AGBL4: variants seen among roughly 807,000 people sequenced by gnomAD.
AGBL4 encodes AGBL carboxypeptidase 4, also known as cytosolic carboxypeptidase 6.
Under a neutral mutation model 66.4 loss-of-function variants are expected in AGBL4, and 58 were observed. The ratio of observed to expected loss-of-function variants is 0.87; its 90% CI spans 0.71 to 1.09. The LOEUF (loss-of-function observed/expected upper bound fraction) is 1.09. Ranked by LOEUF, AGBL4 falls within the 50% of genes least tolerant of loss-of-function variation. AGBL4 has a pLI of 0.00. For missense variants in AGBL4, 579 were observed against 631.0 expected, an observed-to-expected ratio of 0.92 and a Z score of 0.88; for synonymous variants, 234 against 222.9, an observed-to-expected ratio of 1.05 and a Z score of -0.44.
At chr1:49,090,967 T>C (rs530347991) in intron 4 of AGBL4, among the ~76,000 whole-genome samples, 2 of 152,068 alleles carry the variant, frequency 1.3e-5, no homozygotes, top group African/African-American at 4.8e-5. Context: ...TGACAAAGTT[T>C]ACAAAAGCAA....
At chr1:49,632,114 T>A (rs1195183256) in intron 3 of AGBL4, among the ~76,000 whole-genome samples, 1 of 152,008 alleles carries the variant, frequency 6.6e-6, no homozygotes, top group Non-Finnish European at 1.5e-5. Context: ...GAACTAAGAG[T>A]GTAGTAGAGA....
At chr1:49,166,242 A>G (rs1009768653) in intron 4 of AGBL4, among the ~76,000 whole-genome samples, 1 of 152,108 alleles carries the variant, frequency 6.6e-6, no homozygotes, top group Non-Finnish European at 1.5e-5. Context: ...GTTTAATTTT[A>G]CTTTTAACAT....
chr1:49,144,748 C>G (rs939162602), intron 4 of AGBL4, among the ~76,000 whole-genome samples: 9 of 152,126 alleles, frequency 5.9e-5, no homozygotes, highest in Non-Finnish European at 1.3e-4. Context: ...CAGGGATTGA[C>G]TAACTCTACC....
chr1:49,936,698 A>G (rs1654078381), intron 1 of AGBL4, among the ~76,000 whole-genome samples: 2 of 152,226 alleles, frequency 1.3e-5, no homozygotes, highest in Admixed American at 1.3e-4. Flanking sequence ...TTCTTAAGGA[A>G]AAGAATTTTC....
chr1:49,478,080 T>C (rs1002549644), intron 3 of AGBL4, among the ~76,000 whole-genome samples: 2 of 151,636 alleles, frequency 1.3e-5, no homozygotes, highest in Non-Finnish European at 2.9e-5. Flanking sequence ...TTAGAAAATA[T>C]CTTTAAAAGA....
At chr1:49,747,944 TTGTGTGTG>T (rs4012953) in intron 2 of AGBL4, among the ~76,000 whole-genome samples, 8 of 147,560 alleles carry the variant, frequency 5.4e-5, no homozygotes, top group African/African-American at 1.5e-4. Context: ...GTGTGTGTGT[TTGTGTGTG>T]TGTGTGTGTG....
intron 1 of AGBL4, among the ~76,000 whole-genome samples, chr1:49,917,634 G>C (rs187628284): frequency 2.4e-4 from 36 of 152,122 alleles, no homozygotes; most frequent in African/African-American, 8.4e-4. Flanking sequence ...CAATAATAAT[G>C]GGAGACTTTA....
chr1:49,230,068 T>A (rs1336404444), intron 4 of AGBL4, among the ~76,000 whole-genome samples: 1 of 152,220 alleles, frequency 6.6e-6, no homozygotes, highest in Non-Finnish European at 1.5e-5. Flanking sequence ...CACACCTGGG[T>A]CTGTCTTCAT....
chr1:48,796,542 G>A (rs1475054899), intron 6 of AGBL4, among the ~76,000 whole-genome samples: 1 of 152,142 alleles, frequency 6.6e-6, no homozygotes, highest in Non-Finnish European at 1.5e-5. Flanking sequence ...TGGAGGTTGT[G>A]GGGATCCAGA....
chr1:49,449,873 C>T (rs1277866212), intron 3 of AGBL4, among the ~76,000 whole-genome samples: 2 of 152,040 alleles, frequency 1.3e-5, no homozygotes, highest in African/African-American at 4.8e-5. Context: ...AACTGTTCAT[C>T]ACAGGCTTTT....
chr1:49,591,775 A>G (rs1644756205), intron 3 of AGBL4, among the ~76,000 whole-genome samples: 1 of 152,170 alleles, frequency 6.6e-6, no homozygotes, highest in Non-Finnish European at 1.5e-5. Context: ...GAGCCTACAA[A>G]TAAGGCTGCA....
rs115644439 is a variant in AGBL4 at position 48,563,162 on chromosome 1, C to T, written c.1268-23424G>A. On this transcript the variant is annotated intron_variant, in intron 11 of 13. Coordinates refer to ENST00000371839, the MANE Select transcript of AGBL4 (RefSeq NM_032785.4). ...CTGCTGCCAAGTTCATTAATAATTTCGGCTTTCTGGAGGAAGGAGTTGGAT... is the reference window on the plus strand; with the variant it reads ...CTGCTGCCAAGTTCATTAATAATTTTGGCTTTCTGGAGGAAGGAGTTGGAT... Among the ~76,000 whole-genome samples the T allele has an allele frequency of 2.8e-3, 428 of 152,308 alleles. 3 individuals carry two copies. Among genetic ancestry groups the T allele is most frequent in the Admixed American group, 6.3e-3 (97 of 15,296 alleles).
At chr1:49,842,368 TC>T in intron 2 of AGBL4, 1 of 582,096 alleles carries the variant, frequency 1.7e-6, no homozygotes, top group South Asian at 1.8e-5. Context: ...ACTCTGGAGT[TC>T]CCCAAGGCAT....
intron 9 of AGBL4, among the ~76,000 whole-genome samples, chr1:48,604,415 T>C (rs1645124467): frequency 6.6e-6 from 1 of 152,118 alleles, no homozygotes; most frequent in South Asian, 2.1e-4. Context: ...GATATTTTGA[T>C]CCAAACAAGT....
At chr1:49,574,010 C>A (rs1644386300) in intron 3 of AGBL4, among the ~76,000 whole-genome samples, 1 of 152,244 alleles carries the variant, frequency 6.6e-6, no homozygotes, top group East Asian at 1.9e-4. Context: ...GTGATGGCCT[C>A]CCCTGAGGCA....
intron 6 of AGBL4, among the ~76,000 whole-genome samples, chr1:48,788,818 A>G (rs1310463707): frequency 6.6e-6 from 1 of 152,230 alleles, no homozygotes; most frequent in African/African-American, 2.4e-5. Flanking sequence ...ATGTGCCAGA[A>G]TCTCTGATTA....
chr1:48,720,722 A>G (rs1182070020), intron 6 of AGBL4, among the ~76,000 whole-genome samples: 1 of 152,140 alleles, frequency 6.6e-6, no homozygotes, highest in Non-Finnish European at 1.5e-5. Flanking sequence ...AAACATGTAT[A>G]GAGATGAATT....
At chr1:49,740,576 C>A (rs989355204) in intron 2 of AGBL4, among the ~76,000 whole-genome samples, 1 of 152,196 alleles carries the variant, frequency 6.6e-6, no homozygotes, top group African/African-American at 2.4e-5. Context: ...GAACTCTCCA[C>A]CCCAAATCAA....
chr1:49,887,846 C>G (rs1376190916), intron 1 of AGBL4, among the ~76,000 whole-genome samples: 1 of 151,996 alleles, frequency 6.6e-6, no homozygotes, highest in East Asian at 1.9e-4. Flanking sequence ...GAATACATTC[C>G]TCTTACAAAT....
Sources: allele counts gnomAD v4.1 joint callset (sites outside exome capture counted in the v4.1 genomes callset), GRCh38; gene constraint gnomAD v4.1.1; transcripts MANE v1.5; gene names NCBI Gene and HGNC (gene_info 2026-07-23, HGNC 2026-07-21).